Variants in NT5M observed in about 807,000 individuals in gnomAD.
The protein encoded by NT5M is 5',3'-nucleotidase, mitochondrial.
A neutral mutation model predicts 22.2 loss-of-function variants in NT5M; 22 were observed. That is an observed-to-expected ratio of 0.99 (90% CI 0.71 to 1.41). NT5M has a LOEUF of 1.41. Among genes scored for constraint, NT5M ranks in the 40% most tolerant of loss-of-function variants. The pLI is 0.00. For synonymous variants in NT5M, 167 were observed against 133.0 expected (o/e 1.26, Z -1.76); for missense variants, 322 against 314.8 (o/e 1.02, Z -0.17).
chr17:17,344,081 C>T (rs961536712), intron 3 of NT5M, among the ~76,000 whole-genome samples: 4 of 152,176 alleles, frequency 2.6e-5, no homozygotes, highest in Admixed American at 6.5e-5. Context: ...GAGAGGATGC[C>T]GGTGGCTTGC....
chr17:17,306,456 C>T (rs1027206103), intron 1 of NT5M, 87 bp from the exon 2 acceptor site: 8 of 859,040 alleles, frequency 9.3e-6, no homozygotes, highest in South Asian at 8.5e-5. Flanking sequence ...AAGAACCACT[C>T]CCCCTATAGC....
At chr17:17,333,653 G>T (rs903173291) in intron 3 of NT5M, 1 of 151,656 alleles carries the variant, frequency 6.6e-6, no homozygotes, top group South Asian at 2.1e-4. Flanking sequence ...TTTTATTTAG[G>T]TTATGATCCA....
At position 17,303,406 on chromosome 17, in the gene NT5M, GCGCTCCCCGCCC is replaced by G. The variant is rs912175804; in HGVS notation, c.-135_-124del. On this transcript the variant is annotated 5_prime_UTR_variant, in exon 1 of 5. Transcript: ENST00000389022. ...GCCGGTACTTGCGCGCCCGCACCCC[GCGCTCCCCGCCC>G]CGCTCCCCGTCCCGCGCTCCACGCG... The G allele has an allele frequency of 3.4e-5, 32 of 954,428 alleles. No individual in the cohort carries two copies. In the Admixed American group the frequency reaches 4.2e-4, roughly 13 times the overall value. The allele number at this position is 954,428 out of a possible 1,614,324, so 59.1% of individuals were successfully genotyped here.
chr17:17,318,726 A>G (rs2049087583), intron 2 of NT5M, among the ~76,000 whole-genome samples: 1 of 136,264 alleles, frequency 7.3e-6, no homozygotes, highest in Non-Finnish European at 1.5e-5. Context: ...CGGAGGTTGC[A>G]GTGAGCCGAG....
chr17:17,339,249 A>G (rs1206604280), intron 3 of NT5M, among the ~76,000 whole-genome samples: 1 of 151,580 alleles, frequency 6.6e-6, no homozygotes, highest in Non-Finnish European at 1.5e-5. Flanking sequence ...GCTATTTTAA[A>G]TGGGATTCCT....
At position 17,303,434 on chromosome 17, in the gene NT5M, GCTCCACGCGCGCCCCAGCGTTGGGGGCTT is replaced by G; in HGVS notation, c.-112_-84del. 1.0e-6 allele frequency: 1 copy of G among 992,218 alleles called. No individual in the cohort carries two copies. Among genetic ancestry groups the G allele is most frequent in the South Asian group, 4.7e-5 (1 of 21,316 alleles). The allele number at this position is 992,218 out of a possible 1,614,324, so 61.5% of individuals were successfully genotyped here. A position where few individuals can be genotyped will look rare whatever the true frequency, so the allele number is the denominator to read the frequency against. ...CTCCCCGCCCCGCTCCCCGTCCCGCGCTCCACGCGCGCCCCAGCGTTGGGGGCTTCTCCTCCGCGGCGGGAATGTCTGGC... is the reference window on the plus strand; with the variant it reads ...CTCCCCGCCCCGCTCCCCGTCCCGCGCTCCTCCGCGGCGGGAATGTCTGGC... On this transcript the variant is annotated 5_prime_UTR_variant, in exon 1 of 5. Transcript: ENST00000389022.
At chr17:17,312,931 C>G (rs1262403084) in intron 2 of NT5M, among the ~76,000 whole-genome samples, 2 of 152,010 alleles carry the variant, frequency 1.3e-5, no homozygotes, top group African/African-American at 4.8e-5. Context: ...TATGATCACG[C>G]CATGTACTCC....
intron 2 of NT5M, among the ~76,000 whole-genome samples, 167 bp downstream of exon 2, chr17:17,306,810 C>A (rs1265733261): frequency 6.6e-6 from 1 of 152,230 alleles, no homozygotes; most frequent in African/African-American, 2.4e-5. Context: ...CCACCAAATA[C>A]AATGATCTCG....
chr17:17,311,461 T>C (rs544275421), intron 2 of NT5M, among the ~76,000 whole-genome samples: 103 of 152,296 alleles, frequency 6.8e-4, no homozygotes, highest in African/African-American at 2.5e-3. Context: ...GTAGATATCT[T>C]GTTGTCCCAG....
chr17:17,303,607 G>A lies in NT5M; in HGVS notation c.57G>A (p.Ala19=). Residue 19 remains alanine, a synonymous_variant, in exon 1 of 5, where the codon GCG becomes GCA. Coordinates refer to ENST00000389022, the MANE Select transcript of NT5M (RefSeq NM_020201.4). ...GGCTCTGCAGCGCGGCGGTTCCCGC[G>A]GGGCGGCGCGGGGCGGCGGGCGGGC... is the stretch of plus-strand genomic sequence containing the variant. ...ARRLCSAAVP[A]GRRGAAGGLG... 8.1e-7 allele frequency: 1 copy of A among 1,241,944 alleles called. No homozygotes were observed. The highest frequency in any genetic ancestry group is 1.0e-6 in the Non-Finnish European group (1 of 987,804). 76.9% of individuals were successfully genotyped at this position (1,241,944 alleles called of 1,614,324 possible).
At chr17:17,321,087 G>A (rs755590882) in intron 2 of NT5M, among the ~76,000 whole-genome samples, 19 of 152,150 alleles carry the variant, frequency 1.2e-4, no homozygotes, top group Non-Finnish European at 2.4e-4. Context: ...AAGGCTGTGT[G>A]TGTATATATC....
chr17:17,342,082 A>T (rs183850601), intron 3 of NT5M, among the ~76,000 whole-genome samples: 1 of 152,328 alleles, frequency 6.6e-6, no homozygotes, highest in African/African-American at 2.4e-5. Flanking sequence ...ATATAAATAC[A>T]TATATACATA....
chr17:17,332,181 GAGC>G, intron 3 of NT5M, among the ~76,000 whole-genome samples: 1 of 152,166 alleles, frequency 6.6e-6, no homozygotes, highest in Non-Finnish European at 1.5e-5. Context: ...CATCTGAGTG[GAGC>G]AGGACTCTGT....
chr17:17,345,898 C>T (rs980134317), intron 4 of NT5M, among the ~76,000 whole-genome samples: 3 of 152,162 alleles, frequency 2.0e-5, no homozygotes, highest in African/African-American at 4.8e-5. Flanking sequence ...GGGCTTTGGC[C>T]GGCCAAATCT....
chr17:17,304,917 C>T (rs1043040706), intron 1 of NT5M, among the ~76,000 whole-genome samples: 1 of 152,100 alleles, frequency 6.6e-6, no homozygotes, highest in African/African-American at 2.4e-5. Flanking sequence ...AACCAAGTAC[C>T]GTTTGTCTCC....
rs145004906 is a variant in NT5M at position 17,343,269 on chromosome 17, GCA to G, written c.430-1519_430-1518del. 8.7e-3 allele frequency among the ~76,000 whole-genome samples: 1,325 copies of G among 152,256 alleles called. 30 individuals carry two copies. Among genetic ancestry groups the G allele is most frequent in the African/African-American group, 0.03 (1,246 of 41,532 alleles). On this transcript the variant is annotated intron_variant, in intron 3 of 4. Coordinates refer to ENST00000389022, the MANE Select transcript of NT5M (RefSeq NM_020201.4). ...TGTGTGTGTGTGTGCATGTGTGTGT[GCA>G]CACACGTGTCCATGAAGGAATGTTC...
At chr17:17,344,597 C>T (rs541249142) in intron 3 of NT5M, among the ~76,000 whole-genome samples, 197 bp from the exon 4 acceptor site, 3 of 152,236 alleles carry the variant, frequency 2.0e-5, no homozygotes, top group South Asian at 2.1e-4. Flanking sequence ...CAGCCATGTG[C>T]GCTCCCTGAG....
chr17:17,335,693 C>T lies in NT5M; in HGVS notation c.430-9101C>T, dbSNP rs377379581. Among the ~76,000 whole-genome samples, 26 of 150,520 alleles carry T rather than the reference C, an allele frequency of 1.7e-4. No homozygotes were observed. In the South Asian group the frequency reaches 4.9e-3, roughly 28 times the overall value. ...TGTCACTCAGGCTGGAGTGCAGTGG[C>T]GCGATCTCTGCTCACTACAACCTCT... On this transcript the variant is annotated intron_variant, in intron 3 of 4. Transcript: ENST00000389022.
At chr17:17,334,596 C>T (rs1221847725) in intron 3 of NT5M, among the ~76,000 whole-genome samples, 1 of 151,622 alleles carries the variant, frequency 6.6e-6, no homozygotes, top group Non-Finnish European at 1.5e-5. Context: ...GTGCCTCAGC[C>T]TCCCGAGTAG....
Sources: gnomAD v4.1 joint callset for allele counts (sites outside exome capture counted in the v4.1 genomes callset) on GRCh38, gnomAD v4.1.1 for gene constraint, MANE v1.5 for transcripts, NCBI Gene and HGNC (gene_info 2026-07-23, HGNC 2026-07-21) for gene names.